The following HPCAL1 variants were observed in gnomAD, a reference collection of about 807,000 sequenced individuals.
HPCAL1 encodes hippocalcin like 1, also known as hippocalcin-like protein 1.
HPCAL1 carries 8 observed loss-of-function variants against 17.1 expected under a neutral mutation model. The ratio of observed to expected loss-of-function variants is 0.47; its 90% CI spans 0.27 to 0.84. The LOEUF (loss-of-function observed/expected upper bound fraction) is 0.84, where lower values mean the gene tolerates loss of function less well. Among genes scored for constraint, HPCAL1 ranks in the 40% least tolerant of loss-of-function variants. The probability of loss-of-function intolerance (pLI) is 0.13; values close to 1 mark genes in which losing one functional copy is unlikely to be tolerated. For missense variants in HPCAL1, 165 were observed against 271.1 expected (o/e 0.61, Z 2.75); for synonymous variants, 112 against 111.4 (o/e 1.01, Z -0.03).
chr2:10,314,238 A>G (rs1046352035), intron 1 of HPCAL1, among the ~76,000 whole-genome samples: 1 of 151,894 alleles, frequency 6.6e-6, no homozygotes, highest in Non-Finnish European at 1.5e-5. Context: ...TTCAGAAGAA[A>G]CTGATAACAT....
intron 1 of HPCAL1, among the ~76,000 whole-genome samples, chr2:10,385,151 C>T (rs1412335563): frequency 2.0e-5 from 3 of 152,022 alleles, no homozygotes; most frequent in Non-Finnish European, 4.4e-5. Context: ...GAGTGGCCTC[C>T]ACTGAGTGCG....
intron 2 of HPCAL1, among the ~76,000 whole-genome samples, chr2:10,410,688 G>C (rs930815816): frequency 3.6e-4 from 55 of 151,850 alleles, no homozygotes; most frequent in African/African-American, 1.3e-3. Context: ...CCTCCCCTGG[G>C]CCTCCCATTT....
chr2:10,423,133 G>A (rs1007419529), intron 4 of HPCAL1, 45 bp downstream of exon 4: 3 of 1,431,898 alleles, frequency 2.1e-6, no homozygotes, highest in Non-Finnish European at 3.0e-6. Flanking sequence ...GCCACGGTAG[G>A]GGCAAAACCA....
chr2:10,349,237 T>C lies in HPCAL1; in HGVS notation c.-111+46060T>C, dbSNP rs185658807. 2.6e-4 allele frequency among the ~76,000 whole-genome samples: 40 copies of C among 152,224 alleles called. 1 individual carries two copies. In the East Asian group the frequency reaches 7.3e-3, roughly 28 times the overall value. Reference sequence around the variant, plus strand: ...CTACCATAAAAGTCATCCATACTTATTAGAACGTCTCAAACATACTAAGAG... The same window carrying C: ...CTACCATAAAAGTCATCCATACTTACTAGAACGTCTCAAACATACTAAGAG... On this transcript the variant is annotated intron_variant, in intron 1 of 4. Transcript: ENST00000307845.
intron 1 of HPCAL1, among the ~76,000 whole-genome samples, chr2:10,361,347 T>C (rs1302663222): frequency 6.6e-6 from 1 of 151,876 alleles, no homozygotes; most frequent in Non-Finnish European, 1.5e-5. Flanking sequence ...CATGCTTTGT[T>C]TTGCTCTGTC....
intron 1 of HPCAL1, among the ~76,000 whole-genome samples, chr2:10,372,947 C>T (rs2125516693): frequency 6.6e-6 from 1 of 152,246 alleles, no homozygotes; most frequent in Non-Finnish European, 1.5e-5. Flanking sequence ...TCAGCCCCTC[C>T]TGCCCCCAGA....
rs546305521 is a variant in HPCAL1, at chr2:10,310,990, C to T, written c.-111+7813C>T. Reference sequence around the variant, plus strand: ...GAGAGAAGTGAGAACCTCTCGAAATCGATCACCTATGTTGAAAAAAAATCA... The same window carrying T: ...GAGAGAAGTGAGAACCTCTCGAAATTGATCACCTATGTTGAAAAAAAATCA... On this transcript the variant is annotated intron_variant, in intron 1 of 4. Coordinates refer to ENST00000307845, the MANE Select transcript of HPCAL1 (RefSeq NM_002149.4). This position sits in a 1 kb window ranked among gnomAD's most constrained non-coding sequence, Gnocchi z 4.5. 1.0e-3 allele frequency among the ~76,000 whole-genome samples: 156 copies of T among 152,202 alleles called. 1 individual carries two copies. The highest frequency in any genetic ancestry group is 3.5e-3 in the African/African-American group (146 of 41,516).
chr2:10,378,327 T>C (rs1667718413), intron 1 of HPCAL1, among the ~76,000 whole-genome samples: 1 of 150,718 alleles, frequency 6.6e-6, no homozygotes, highest in Admixed American at 6.7e-5. Flanking sequence ...CAGACAGATT[T>C]GGTTGCAGCT....
At position 10,426,937 on chromosome 2, in the gene HPCAL1, G is replaced by A. The variant is rs554361083; in HGVS notation, c.*116G>A. ...TGCTCTCCCGGGCCCCGGGCCTGGG[G>A]CATGCGTTGCACCTGCCCAGCCCGG... On this transcript the variant is annotated 3_prime_UTR_variant, in exon 5 of 5. Transcript: ENST00000307845. 27 of 937,732 alleles carry A rather than the reference G, an allele frequency of 2.9e-5. No individual in the cohort carries two copies. The East Asian group carries it at 6.2e-4, about 21-fold the overall frequency. The allele number at this position is 937,732 out of a possible 1,614,324, so 58.1% of individuals were successfully genotyped here.
At chr2:10,307,181 A>T (rs992653383) in intron 1 of HPCAL1, among the ~76,000 whole-genome samples, 4 of 152,168 alleles carry the variant, frequency 2.6e-5, no homozygotes, top group Non-Finnish European at 5.9e-5. Context: ...AAAACTCAGG[A>T]TTGTTAAATA....
chr2:10,342,316 C>T lies in HPCAL1; in HGVS notation c.-111+39139C>T, dbSNP rs535815281. ...GCCGAGGTGGGGACCCTGCCTCGCC[C>T]GCCTCCAGGGGCACACTGCATTCTT... On this transcript the variant is annotated intron_variant, in intron 1 of 4. Coordinates refer to ENST00000307845, the MANE Select transcript of HPCAL1 (RefSeq NM_002149.4). The surrounding 1 kb of genome is among the most constrained non-coding windows in gnomAD (Gnocchi z 4.1). Among the ~76,000 whole-genome samples, 15 of 152,318 alleles carry T rather than the reference C, an allele frequency of 9.8e-5. No homozygotes were observed. Among genetic ancestry groups the T allele is most frequent in the South Asian group, 4.1e-4 (2 of 4,830 alleles).
intron 2 of HPCAL1, among the ~76,000 whole-genome samples, chr2:10,406,700 G>A (rs940547703): frequency 5.3e-5 from 8 of 152,228 alleles, no homozygotes; most frequent in African/African-American, 1.7e-4. Flanking sequence ...CGGGTGCTGC[G>A]TGGCTCTGCT....
At chr2:10,334,942 T>C (rs1664626803) in intron 1 of HPCAL1, among the ~76,000 whole-genome samples, 1 of 152,250 alleles carries the variant, frequency 6.6e-6, no homozygotes, top group Admixed American at 6.5e-5. Context: ...CCTCCCAAAT[T>C]GCTGGGATTA....
intron 1 of HPCAL1, among the ~76,000 whole-genome samples, chr2:10,382,899 G>T (rs971224737): frequency 6.6e-6 from 1 of 152,244 alleles, no homozygotes. Context: ...CTGAGCACTT[G>T]AAGCTGCGTT....
At position 10,377,971 on chromosome 2, in the gene HPCAL1, G is replaced by A. The variant is rs998692507; in HGVS notation, c.-110-18864G>A. On this transcript the variant is annotated intron_variant, in intron 1 of 4. Transcript: ENST00000307845. The surrounding 1 kb of genome is among the most constrained non-coding windows in gnomAD (Gnocchi z 5.9). ...CACGGGTGAGGCGGGGAGGCGTTTC[G>A]ACTTTGGACTGAAGGCCTTAATTGA... Among the ~76,000 whole-genome samples, 8 of 152,290 alleles carry A rather than the reference G, an allele frequency of 5.3e-5. 1 individual carries two copies. The highest frequency in any genetic ancestry group is 2.1e-4 in the South Asian group (1 of 4,830).
intron 2 of HPCAL1, among the ~76,000 whole-genome samples, chr2:10,407,546 C>T (rs1383005404): frequency 6.6e-6 from 1 of 152,166 alleles, no homozygotes; most frequent in African/African-American, 2.4e-5. Context: ...AGGAGGCAGA[C>T]AGTCAAGAGA....
At position 10,354,645 on chromosome 2, in the gene HPCAL1, CG is replaced by C. The variant is rs1666027739; in HGVS notation, c.-110-42189del. On this transcript the variant is annotated intron_variant, in intron 1 of 4. Transcript: ENST00000307845. The surrounding 1 kb of genome is among the most constrained non-coding windows in gnomAD (Gnocchi z 5.1). ...TGCTTCTCACATTCTTTCCATTGTCCGACGCACTGAGGCAGAGACAGGAATT... is the reference window on the plus strand; with the variant it reads ...TGCTTCTCACATTCTTTCCATTGTCCACGCACTGAGGCAGAGACAGGAATT... Among the ~76,000 whole-genome samples the C allele has an allele frequency of 6.6e-6, 1 of 152,158 alleles. No individual in the cohort carries two copies. The highest frequency in any genetic ancestry group is 1.5e-5 in the Non-Finnish European group (1 of 68,030).
At chr2:10,324,361 A>T (rs1663856506) in intron 1 of HPCAL1, 1 of 152,232 alleles carries the variant, frequency 6.6e-6, no homozygotes, top group Admixed American at 6.5e-5. Context: ...AAGGGGACGG[A>T]GTTCTCTGGA....
chr2:10,400,171 G>A (rs186498266), intron 2 of HPCAL1, among the ~76,000 whole-genome samples: 9 of 152,304 alleles, frequency 5.9e-5, no homozygotes, highest in Non-Finnish European at 8.8e-5. Context: ...TGTGGCAGAC[G>A]TGCACCCGTG....
Sources: allele counts gnomAD v4.1 joint callset (sites outside exome capture counted in the v4.1 genomes callset), GRCh38; gene constraint gnomAD v4.1.1; non-coding constraint Gnocchi (gnomAD v3.1); transcripts MANE v1.5; gene names NCBI Gene and HGNC (gene_info 2026-07-23, HGNC 2026-07-21).